SAMD5: variants seen among roughly 807,000 people sequenced by gnomAD.
SAMD5 encodes sterile alpha motif domain-containing protein 5.
SAMD5 carries 13 observed loss-of-function variants against 11.3 expected under a neutral mutation model. The ratio of observed to expected loss-of-function variants is 1.15; its 90% CI spans 0.75 to 1.83. The LOEUF (loss-of-function observed/expected upper bound fraction) is 1.83, where lower values mean the gene tolerates loss of function less well. Ranked by LOEUF, SAMD5 falls within the 40% of genes most tolerant of loss-of-function variation. The pLI, the probability that SAMD5 is intolerant of heterozygous loss-of-function variation, is 0.00. For missense variants in SAMD5, 255 were observed against 239.1 expected (o/e 1.07, Z -0.44); for synonymous variants, 129 against 111.3 (o/e 1.16, Z -1.00).
intron 1 of SAMD5, among the ~76,000 whole-genome samples, chr6:147,621,842 G>T (rs190248738): frequency 1.3e-5 from 2 of 152,022 alleles, no homozygotes; most frequent in Non-Finnish European, 2.9e-5. Flanking sequence ...ATGTTATTGA[G>T]CTTGGAACCA....
chr6:147,717,813 T>C (rs975930641), intron 1 of SAMD5, among the ~76,000 whole-genome samples: 1 of 151,982 alleles, frequency 6.6e-6, no homozygotes, highest in Admixed American at 6.6e-5. Context: ...ATTGCACCAC[T>C]GCACTCCAGC....
At chr6:147,543,908 A>G (rs1319487748) in intron 1 of SAMD5, among the ~76,000 whole-genome samples, 1 of 152,168 alleles carries the variant, frequency 6.6e-6, no homozygotes, top group Non-Finnish European at 1.5e-5. Flanking sequence ...GTGGGAAAGG[A>G]ACGTTTAAGG....
At chr6:147,629,188 T>C (rs1036876027) in intron 1 of SAMD5, among the ~76,000 whole-genome samples, 1 of 152,108 alleles carries the variant, frequency 6.6e-6, no homozygotes, top group African/African-American at 2.4e-5. Context: ...TGAGCACTTG[T>C]AATCTCAGCT....
the SAMD5 span, among the ~76,000 whole-genome samples, chr6:147,761,624 T>C: frequency 9.8e-5 from 15 of 152,332 alleles, no homozygotes; most frequent in Non-Finnish European, 1.9e-4. Flanking sequence ...TTTTTACAAA[T>C]GTGCTGGATT....
At chr6:147,720,521 TCTAC>T (rs1791535617) in intron 1 of SAMD5, among the ~76,000 whole-genome samples, 1 of 151,882 alleles carries the variant, frequency 6.6e-6, no homozygotes, top group Non-Finnish European at 1.5e-5. Context: ...CATATTCTAT[TCTAC>T]CTTGTGTAGA....
intron 1 of SAMD5, among the ~76,000 whole-genome samples, chr6:147,663,003 A>C (rs1462968957): frequency 2.0e-5 from 3 of 152,218 alleles, no homozygotes; most frequent in African/African-American, 7.2e-5. Flanking sequence ...TATTTTGTAA[A>C]AGCAATGACA....
chr6:147,748,779 A>C, the SAMD5 span, among the ~76,000 whole-genome samples: 1 of 152,210 alleles, frequency 6.6e-6, no homozygotes, highest in Non-Finnish European at 1.5e-5. Flanking sequence ...AATTCCCTAA[A>C]AAAGCAAATT....
the SAMD5 span, among the ~76,000 whole-genome samples, chr6:147,940,327 G>C: frequency 7.9e-5 from 12 of 151,968 alleles, no homozygotes; most frequent in African/African-American, 2.9e-4. Flanking sequence ...TGTAGTTTAG[G>C]GGGTGGAATC....
At chr6:147,854,692 A>T in the SAMD5 span, among the ~76,000 whole-genome samples, 12 of 151,968 alleles carry the variant, frequency 7.9e-5, no homozygotes, top group Admixed American at 6.5e-4. Flanking sequence ...TTTTGAACCA[A>T]CCTAATAATA....
At chr6:147,646,014 GTATCTATCTATGTATCTATCTA>G (rs1790392156) in intron 1 of SAMD5, among the ~76,000 whole-genome samples, 3 of 55,438 alleles carry the variant, frequency 5.4e-5, no homozygotes, top group East Asian at 5.2e-4. Flanking sequence ...GTCTGTCTAT[GTATCTATCTATGTATCTATCTA>G]TCTATCTATC....
the SAMD5 span, among the ~76,000 whole-genome samples, chr6:147,910,717 C>G: frequency 6.6e-6 from 1 of 152,092 alleles, no homozygotes; most frequent in Non-Finnish European, 1.5e-5. Context: ...TTTGTGCTGG[C>G]CAGTCTATAT....
At chr6:147,538,144 T>C (rs1456534356) in intron 1 of SAMD5, among the ~76,000 whole-genome samples, 1 of 152,176 alleles carries the variant, frequency 6.6e-6, no homozygotes, top group Non-Finnish European at 1.5e-5. Context: ...TTTGGACACA[T>C]GGGCCCAGAT....
At chr6:147,592,000 A>G (rs1439529502) in intron 1 of SAMD5, among the ~76,000 whole-genome samples, 2 of 152,068 alleles carry the variant, frequency 1.3e-5, no homozygotes, top group African/African-American at 4.8e-5. Context: ...AAAACAGATC[A>G]GAGTTAGTGC....
chr6:147,601,619 C>T (rs1019660548), intron 1 of SAMD5, among the ~76,000 whole-genome samples: 3 of 152,002 alleles, frequency 2.0e-5, no homozygotes, highest in African/African-American at 7.3e-5. Context: ...ATAAACATAC[C>T]GTAGATTATA....
At chr6:147,564,126 C>G (rs1788997211) in intron 1 of SAMD5, among the ~76,000 whole-genome samples, 1 of 151,944 alleles carries the variant, frequency 6.6e-6, no homozygotes, top group African/African-American at 2.4e-5. Context: ...GTTTCCACCT[C>G]TTAGAAGGAA....
At chr6:147,951,712 T>C in the SAMD5 span, among the ~76,000 whole-genome samples, 1 of 152,258 alleles carries the variant, frequency 6.6e-6, no homozygotes, top group East Asian at 1.9e-4. Context: ...GGGGCTAGAC[T>C]TAAGGGGAAT....
chr6:147,850,319 A>T, the SAMD5 span, among the ~76,000 whole-genome samples: 1 of 152,168 alleles, frequency 6.6e-6, no homozygotes, highest in South Asian at 2.1e-4. Flanking sequence ...AAAGTTAGAA[A>T]ATCTAGGACT....
At chr6:147,737,285 A>G in intron 1 of SAMD5, 1 of 1,192,674 alleles carries the variant, frequency 8.4e-7, no homozygotes, top group Non-Finnish European at 1.1e-6. Flanking sequence ...GCAACACTTA[A>G]TTAAACTTCA....
At chr6:147,661,489 C>T (rs1179923648) in intron 1 of SAMD5, among the ~76,000 whole-genome samples, 2 of 152,048 alleles carry the variant, frequency 1.3e-5, no homozygotes, top group Non-Finnish European at 2.9e-5. Context: ...TTGCCAGCCC[C>T]CAAATTATTA....
Sources: allele counts gnomAD v4.1 joint callset (sites outside exome capture counted in the v4.1 genomes callset), GRCh38; gene constraint gnomAD v4.1.1; transcripts MANE v1.5; gene names NCBI Gene and HGNC (gene_info 2026-07-23, HGNC 2026-07-21).